Variants in RBPMS observed in about 807,000 individuals in gnomAD.
RBPMS encodes the protein RNA binding protein, mRNA processing factor.
RBPMS carries 7 observed loss-of-function variants against 26.8 expected under a neutral mutation model. That is an observed-to-expected ratio of 0.26 (90% CI 0.15 to 0.49). The LOEUF (loss-of-function observed/expected upper bound fraction) is 0.49. RBPMS is among the 20% of genes least tolerant of loss of function. RBPMS has a pLI of 0.98. For synonymous variants in RBPMS, 96 were observed against 93.3 expected (o/e 1.03, Z -0.17); for missense variants, 186 against 250.0 (o/e 0.74, Z 1.73).
intron 6 of RBPMS, among the ~76,000 whole-genome samples, chr8:30,546,863 G>C (rs555107951): frequency 2.6e-5 from 4 of 152,326 alleles, no homozygotes; most frequent in Non-Finnish European, 4.4e-5. Context: ...TGAGAAGATG[G>C]AGGGAGTTAC....
At chr8:30,472,383 C>T (rs1217091492) in intron 1 of RBPMS, among the ~76,000 whole-genome samples, 1 of 152,070 alleles carries the variant, frequency 6.6e-6, no homozygotes, top group Non-Finnish European at 1.5e-5. Flanking sequence ...GAGATCAGAG[C>T]AGTGATTGCC....
chr8:30,450,853 A>G (rs1312718309), intron 1 of RBPMS, among the ~76,000 whole-genome samples: 1 of 151,660 alleles, frequency 6.6e-6, no homozygotes, highest in Non-Finnish European at 1.5e-5. Context: ...ATTTAAAAAT[A>G]AAGAAGCTTC....
At chr8:30,539,916 G>C (rs1157054664) in intron 5 of RBPMS, among the ~76,000 whole-genome samples, 4 of 152,156 alleles carry the variant, frequency 2.6e-5, no homozygotes, top group African/African-American at 9.7e-5. Flanking sequence ...GTAAACCACT[G>C]CATCTGGCCC....
chr8:30,433,094 C>T (rs1327359719), intron 1 of RBPMS, among the ~76,000 whole-genome samples: 3 of 152,176 alleles, frequency 2.0e-5, no homozygotes, highest in Admixed American at 6.5e-5. Context: ...AAATAGCCAG[C>T]GGCCTCACTC....
intron 1 of RBPMS, among the ~76,000 whole-genome samples, chr8:30,434,910 C>T (rs1421491823): frequency 6.6e-6 from 1 of 151,980 alleles, no homozygotes; most frequent in East Asian, 1.9e-4. Context: ...TCATTGTCCT[C>T]AGGAATTTAT....
At chr8:30,450,787 C>CAAAAAAAAAAAAAAA (rs59577795) in intron 1 of RBPMS, among the ~76,000 whole-genome samples, 24 of 87,366 alleles carry the variant, frequency 2.7e-4, no homozygotes, top group East Asian at 6.9e-4. Context: ...TGCCTGAAAG[C>CAAAAAAAAAAAAAAA]AAAAAAAAAA....
intron 5 of RBPMS, among the ~76,000 whole-genome samples, chr8:30,544,084 T>C (rs1825659093): frequency 2.0e-5 from 3 of 152,224 alleles, no homozygotes; most frequent in Non-Finnish European, 4.4e-5. Flanking sequence ...CGTTAAGCCA[T>C]GGTTTTCCCA....
At chr8:30,430,749 TA>T (rs1175289952) in intron 1 of RBPMS, among the ~76,000 whole-genome samples, 5 of 152,190 alleles carry the variant, frequency 3.3e-5, no homozygotes, top group Non-Finnish European at 7.3e-5. Flanking sequence ...TGGTTTCTCC[TA>T]AAGACTAAAG....
At chr8:30,557,928 A>G (rs1056939334) in intron 6 of RBPMS, among the ~76,000 whole-genome samples, 1 of 152,144 alleles carries the variant, frequency 6.6e-6, no homozygotes, top group Non-Finnish European at 1.5e-5. Context: ...GCAGTGGCAC[A>G]ATCTCAGCTT....
chr8:30,452,409 T>A (rs770207002), intron 1 of RBPMS, among the ~76,000 whole-genome samples: 1 of 152,108 alleles, frequency 6.6e-6, no homozygotes, highest in African/African-American at 2.4e-5. Flanking sequence ...AGGGCTGGGA[T>A]TGGGGGGTGT....
intron 1 of RBPMS, among the ~76,000 whole-genome samples, chr8:30,443,168 G>C (rs866728729): frequency 6.6e-6 from 1 of 152,116 alleles, no homozygotes; most frequent in Non-Finnish European, 1.5e-5. Flanking sequence ...ATGTTGCGTG[G>C]ATATTGCCTT....
At position 30,465,761 on chromosome 8, in the gene RBPMS, C is replaced by T. The variant is rs1179221165; in HGVS notation, c.67-9018C>T. On this transcript the variant is annotated intron_variant, in intron 1 of 8. Transcript: ENST00000397323. ...CCGAAATCGTGCCACTGCACTCCAG[C>T]GTGGGTGACAAAGTGAGACTTTGTC... Among the ~76,000 whole-genome samples, 5 of 152,108 alleles carry T rather than the reference C, an allele frequency of 3.3e-5. No individual in the cohort carries two copies. The East Asian group carries it at 7.7e-4, about 23-fold the overall frequency.
chr8:30,527,713 T>A (rs1330369019), intron 5 of RBPMS, among the ~76,000 whole-genome samples: 2 of 151,778 alleles, frequency 1.3e-5, no homozygotes, highest in South Asian at 2.1e-4. Context: ...GGATCCAGCA[T>A]GAAAAAAATG....
chr8:30,533,344 A>G lies in RBPMS; in HGVS notation c.398-11150A>G, dbSNP rs78089005. 2.9e-3 allele frequency among the ~76,000 whole-genome samples: 446 copies of G among 152,324 alleles called. 1 individual carries two copies. Among genetic ancestry groups the G allele is most frequent in the African/African-American group, 0.01 (420 of 41,566 alleles). ...TCAGGCAACAGCAGATGTTTCCAGAAGTGGGGTTTTGTTTTGCACTGAAAA... is the reference window on the plus strand; with the variant it reads ...TCAGGCAACAGCAGATGTTTCCAGAGGTGGGGTTTTGTTTTGCACTGAAAA... On this transcript the variant is annotated intron_variant, in intron 5 of 8. Transcript: ENST00000397323.
intron 1 of RBPMS, among the ~76,000 whole-genome samples, chr8:30,424,823 C>A (rs1282679479): frequency 6.6e-6 from 1 of 152,106 alleles, no homozygotes; most frequent in African/African-American, 2.4e-5. Context: ...GTGCTCTAGT[C>A]CTTTGAAGCA....
intron 1 of RBPMS, among the ~76,000 whole-genome samples, chr8:30,441,695 C>G (rs1352940845): frequency 1.3e-5 from 2 of 152,036 alleles, no homozygotes; most frequent in Non-Finnish European, 2.9e-5. Context: ...ATCGTTCGAT[C>G]TGAAAAATAA....
intron 1 of RBPMS, among the ~76,000 whole-genome samples, chr8:30,417,091 G>T (rs1376692239): frequency 6.6e-6 from 1 of 151,966 alleles, no homozygotes; most frequent in Non-Finnish European, 1.5e-5. Flanking sequence ...TTTTGTTGGG[G>T]GAGTTTGTTC....
At chr8:30,529,263 C>G (rs759956360) in intron 5 of RBPMS, among the ~76,000 whole-genome samples, 1 of 151,840 alleles carries the variant, frequency 6.6e-6, no homozygotes, top group Non-Finnish European at 1.5e-5. Flanking sequence ...ATAAACCTGC[C>G]ATTTTTTTTA....
intron 5 of RBPMS, among the ~76,000 whole-genome samples, chr8:30,540,357 C>T (rs190033114): frequency 6.6e-6 from 1 of 152,154 alleles, no homozygotes; most frequent in East Asian, 1.9e-4. Context: ...TCTTATAGGC[C>T]ATTACATGGA....
Sources: gnomAD v4.1 joint callset for allele counts (sites outside exome capture counted in the v4.1 genomes callset) on GRCh38, gnomAD v4.1.1 for gene constraint, MANE v1.5 for transcripts, NCBI Gene and HGNC (gene_info 2026-07-23, HGNC 2026-07-21) for gene names.